The following PRDM5 variants were observed in gnomAD, a reference collection of about 807,000 sequenced individuals.
PRDM5 encodes the protein PR/SET domain 5, also known as PR domain zinc finger protein 5.
A neutral mutation model predicts 81.2 loss-of-function variants in PRDM5; 56 were observed. The observed-to-expected ratio is 0.69, with a 90% CI of 0.56 to 0.86. The LOEUF (loss-of-function observed/expected upper bound fraction) is 0.86. Ranked by LOEUF, PRDM5 falls within the 40% of genes least tolerant of loss-of-function variation. PRDM5 has a pLI of 0.00. For synonymous variants in PRDM5, 267 were observed against 256.4 expected (o/e 1.04, Z -0.39); for missense variants, 697 against 770.1 (o/e 0.91, Z 1.12).
chr4:120,839,419 A>G (rs1757739461), intron 3 of PRDM5: 1 of 642,702 alleles, frequency 1.6e-6, no homozygotes. Flanking sequence ...TCAGGCTGCT[A>G]GCAGAGAAGG....
At chr4:120,686,338 G>A (rs1733831702) in intron 1 of PRDM5, among the ~76,000 whole-genome samples, 1 of 151,918 alleles carries the variant, frequency 6.6e-6, no homozygotes, top group South Asian at 2.1e-4. Flanking sequence ...GACTTATATA[G>A]CTTTGAGTAT....
chr4:120,915,047 A>G (rs1269300886), intron 1 of PRDM5, among the ~76,000 whole-genome samples: 1 of 152,174 alleles, frequency 6.6e-6, no homozygotes, highest in Non-Finnish European at 1.5e-5. Flanking sequence ...TGGATTTAAT[A>G]TACATTACTC....
chr4:120,815,804 A>T (rs569030538), intron 7 of PRDM5, among the ~76,000 whole-genome samples: 1 of 152,324 alleles, frequency 6.6e-6, no homozygotes, highest in African/African-American at 2.4e-5. Flanking sequence ...GTTAACTGAG[A>T]CAATACAGCC....
chr4:120,721,160 C>A (rs952576264), intron 14 of PRDM5, among the ~76,000 whole-genome samples: 2 of 152,182 alleles, frequency 1.3e-5, no homozygotes, highest in Admixed American at 1.3e-4. Flanking sequence ...AGCTCAAAAG[C>A]CTTGTTTTCC....
chr4:120,712,928 C>A (rs1409239596), intron 14 of PRDM5, among the ~76,000 whole-genome samples: 1 of 152,160 alleles, frequency 6.6e-6, no homozygotes, highest in Non-Finnish European at 1.5e-5. Context: ...ATCTTGTACA[C>A]TTGAATATAG....
chr4:120,883,937 C>G (rs1763123466), intron 2 of PRDM5, among the ~76,000 whole-genome samples: 2 of 152,242 alleles, frequency 1.3e-5, no homozygotes, highest in Admixed American at 6.5e-5. Context: ...TAACTGCACA[C>G]TCTATAAATA....
chr4:120,838,994 T>C, intron 3 of PRDM5: 1 of 545,738 alleles, frequency 1.8e-6, no homozygotes, highest in South Asian at 2.5e-5. Context: ...GCCAGCTCTC[T>C]GCCAGGCTGC....
chr4:120,869,481 G>T (rs976391790), intron 2 of PRDM5, among the ~76,000 whole-genome samples: 7 of 152,146 alleles, frequency 4.6e-5, no homozygotes, highest in African/African-American at 1.7e-4. Flanking sequence ...ACAATTGGTT[G>T]CTAAACAGAC....
intron 12 of PRDM5, among the ~76,000 whole-genome samples, chr4:120,779,341 G>C (rs772543093): frequency 6.6e-6 from 1 of 152,068 alleles, no homozygotes; most frequent in African/African-American, 2.4e-5. Flanking sequence ...ATTAAAATGA[G>C]CAACACACTA....
At chr4:120,892,974 G>A (rs1176912833) in intron 2 of PRDM5, among the ~76,000 whole-genome samples, 1 of 152,232 alleles carries the variant, frequency 6.6e-6, no homozygotes, top group Non-Finnish European at 1.5e-5. Flanking sequence ...AGTGAAGGGG[G>A]AGTAGAGCAA....
At chr4:120,786,914 T>C (rs1274218970) in intron 10 of PRDM5, among the ~76,000 whole-genome samples, 2 of 152,202 alleles carry the variant, frequency 1.3e-5, no homozygotes, top group African/African-American at 2.4e-5. Flanking sequence ...TTATGCCAGG[T>C]CTACGCTATG....
intron 2 of PRDM5, among the ~76,000 whole-genome samples, chr4:120,880,735 T>A (rs1184344604): frequency 6.6e-6 from 1 of 152,154 alleles, no homozygotes; most frequent in African/African-American, 2.4e-5. Flanking sequence ...AATATTCCAA[T>A]ATGTAAATAG....
chr4:120,724,933 G>A lies in PRDM5; in HGVS notation c.1624-14520C>T, dbSNP rs1003581034. Among the ~76,000 whole-genome samples the A allele has an allele frequency of 2.6e-5, 4 of 152,166 alleles. No homozygotes were observed. The East Asian group carries it at 7.7e-4, about 29-fold the overall frequency. On this transcript the variant is annotated intron_variant, in intron 14 of 15. Coordinates refer to ENST00000264808, the MANE Select transcript of PRDM5 (RefSeq NM_018699.4). The stretch of plus-strand genomic sequence containing the variant: ...ATCTCTGAGTCAACACCGCACAGAT[G>A]CAAGGAGGTAGTAGCATAAACCTGC...
At chr4:120,717,037 T>A (rs1386850746) in intron 14 of PRDM5, among the ~76,000 whole-genome samples, 1 of 148,256 alleles carries the variant, frequency 6.7e-6, no homozygotes, top group East Asian at 2.0e-4. Context: ...TGACTTCTGT[T>A]CCTGCTCCTT....
At chr4:120,788,313 T>C (rs1578736492) in intron 10 of PRDM5, among the ~76,000 whole-genome samples, 1 of 151,300 alleles carries the variant, frequency 6.6e-6, no homozygotes. Flanking sequence ...AAAAGCAGAA[T>C]GCAAAACATA....
At chr4:120,752,290 A>AT (rs5861488) in intron 14 of PRDM5, among the ~76,000 whole-genome samples, 151,030 of 152,240 alleles carry the variant, frequency 0.99, 74,927 homozygotes, top group Middle Eastern at 1. Context: ...TGGGTAAAAT[A>AT]TTTTAAAAAT....
chr4:120,688,811 T>C (rs1733932124), downstream of PRDM5, among the ~76,000 whole-genome samples: 1 of 152,192 alleles, frequency 6.6e-6, no homozygotes, highest in Admixed American at 6.6e-5. Context: ...CTGTCTATTC[T>C]GTTCCATTGG....
intron 1 of PRDM5, among the ~76,000 whole-genome samples, chr4:120,912,014 T>C (rs995164651): frequency 6.6e-6 from 1 of 152,162 alleles, no homozygotes; most frequent in African/African-American, 2.4e-5. Flanking sequence ...AGCTCCTCTT[T>C]ACAGGAGAAT....
At chr4:120,813,860 C>T (rs1243809029) in intron 7 of PRDM5, among the ~76,000 whole-genome samples, 1 of 152,174 alleles carries the variant, frequency 6.6e-6, no homozygotes, top group African/African-American at 2.4e-5. Context: ...CTCCTTCCCA[C>T]TGGATGGGTC....
Sources: gnomAD v4.1 joint callset for allele counts (sites outside exome capture counted in the v4.1 genomes callset) on GRCh38, gnomAD v4.1.1 for gene constraint, MANE v1.5 for transcripts, NCBI Gene and HGNC (gene_info 2026-07-23, HGNC 2026-07-21) for gene names.